Variants in GDAP2 observed in about 807,000 individuals in gnomAD.
GDAP2 encodes the protein ganglioside-induced differentiation-associated protein 2.
GDAP2 carries 51 observed loss-of-function variants against 67.0 expected under a neutral mutation model. That is an observed-to-expected ratio of 0.76 (90% CI 0.61 to 0.96). The LOEUF (loss-of-function observed/expected upper bound fraction) is 0.96. Among genes scored for constraint, GDAP2 ranks in the 40% least tolerant of loss-of-function variants. The pLI, the probability that GDAP2 is intolerant of heterozygous loss-of-function variation, is 0.00. For missense variants in GDAP2, 547 were observed against 588.3 expected, an observed-to-expected ratio of 0.93 and a Z score of 0.73; for synonymous variants, 203 against 207.3, an observed-to-expected ratio of 0.98 and a Z score of 0.18.
At chr1:117,906,195 C>T (rs1649651351) in intron 6 of GDAP2, among the ~76,000 whole-genome samples, 1 of 152,200 alleles carries the variant, frequency 6.6e-6, no homozygotes, top group Non-Finnish European at 1.5e-5. Context: ...TTATGCTCCC[C>T]AAACACGCAG....
chr1:117,865,016 G>A lies in GDAP2; in HGVS notation c.*5553C>T, dbSNP rs1648012840. On this transcript the variant is annotated 3_prime_UTR_variant, in exon 14 of 14. Transcript: ENST00000369443. ...CTATGGTCTGGGGACCAGGAGAATT[G>A]ATAACACCTAAGAGCTTGTTAGAAA... is the stretch of plus-strand genomic sequence containing the variant. The A allele has an allele frequency of 6.6e-6, 1 of 152,180 alleles. No individual in the cohort carries two copies. The highest frequency in any genetic ancestry group is 1.5e-5 in the Non-Finnish European group (1 of 68,036). The allele number at this position is 152,180 out of a possible 1,614,324, so 9.4% of individuals were successfully genotyped here.
At chr1:117,904,143 C>T (rs1649578491) in intron 6 of GDAP2, among the ~76,000 whole-genome samples, 1 of 151,914 alleles carries the variant, frequency 6.6e-6, no homozygotes, top group South Asian at 2.1e-4. Context: ...CCCATCACCA[C>T]ATTCAGCTAA....
intron 5 of GDAP2, among the ~76,000 whole-genome samples, chr1:117,910,302 T>TA (rs1649808736): frequency 6.6e-6 from 1 of 152,150 alleles, no homozygotes; most frequent in Admixed American, 6.5e-5. Context: ...ACAGGGTTGT[T>TA]AAGTAAAGTA....
intron 7 of GDAP2, 125 bp downstream of exon 7, chr1:117,898,932 T>C: frequency 1.4e-6 from 1 of 701,870 alleles, no homozygotes; most frequent in East Asian, 2.5e-5. Context: ...TAAACTGGTC[T>C]TGATAGTAGT....
rs1648866904 is a variant in GDAP2, at chr1:117,886,633, T to C, written c.1051A>G (p.Thr351Ala). 6.3e-7 allele frequency: 1 copy of C among 1,584,768 alleles called. No individual in the cohort carries two copies. Among genetic ancestry groups the C allele is most frequent in the Non-Finnish European group, 8.7e-7 (1 of 1,153,554 alleles). Residue 351 changes from threonine to alanine, a missense_variant, in exon 10 of 14, where the codon ACA (threonine) becomes GCA (alanine). Coordinates refer to ENST00000369443, the MANE Select transcript of GDAP2 (RefSeq NM_017686.4). ...YQTGVDNCGR[T>A]VMVVVGRNIP... ...TTTCTTCCAACTACCACCATCACTGTTCGACCACAGTTATCAACACCTATA... is the reference window on the plus strand; with the variant it reads ...TTTCTTCCAACTACCACCATCACTGCTCGACCACAGTTATCAACACCTATA...
chr1:117,872,255 G>A (rs923761316), intron 13 of GDAP2, among the ~76,000 whole-genome samples: 1 of 152,142 alleles, frequency 6.6e-6, no homozygotes, highest in Non-Finnish European at 1.5e-5. Context: ...ATGTAAATTA[G>A]TTCAACCACT....
In GDAP2 at chr1:117,867,003, T is replaced by C. The variant is rs535597184; in HGVS notation, c.*3566A>G. 2 of 152,156 alleles carry C rather than the reference T, an allele frequency of 1.3e-5. No individual in the cohort carries two copies. Among genetic ancestry groups the C allele is most frequent in the African/African-American group, 4.8e-5 (2 of 41,434 alleles). 9.4% of individuals were successfully genotyped at this position (152,156 alleles called of 1,614,324 possible). A position where few individuals can be genotyped will look rare whatever the true frequency, so the allele number is the denominator to read the frequency against. On this transcript the variant is annotated 3_prime_UTR_variant, in exon 14 of 14. Coordinates refer to ENST00000369443, the MANE Select transcript of GDAP2 (RefSeq NM_017686.4). ...TAGAACCATGTAACTCTCCTCTATA[T>C]AGTACTTCAAATTCTAATCATTTCT...
At position 117,883,504 on chromosome 1, in the gene GDAP2, C is replaced by T. The variant is rs754920481; in HGVS notation, c.1231G>A (p.Asp411Asn). Residue 411 changes from aspartate to asparagine, a missense_variant, in exon 11 of 14, where the codon GAT (aspartate) becomes AAT (asparagine). Physicochemically the swap from Asp to Asn is conservative, Grantham distance 23. Coordinates refer to ENST00000369443, the MANE Select transcript of GDAP2 (RefSeq NM_017686.4). ...LDSDFLKKLY[D>N]VVDVKYKRNL... ...ATAACTAACTTGACATCAACAACAT[C>T]GTAGAGTTTCTTCAGGAAGTCGGAG... The T allele has an allele frequency of 8.7e-6, 14 of 1,612,206 alleles. No individual in the cohort carries two copies. Among genetic ancestry groups the T allele is most frequent in the African/African-American group, 2.7e-5 (2 of 74,830 alleles).
chr1:117,899,742 G>T (rs1649384736), intron 6 of GDAP2, among the ~76,000 whole-genome samples: 1 of 151,788 alleles, frequency 6.6e-6, no homozygotes. Context: ...CATATCGATT[G>T]GTCCACTGGA....
intron 6 of GDAP2, among the ~76,000 whole-genome samples, chr1:117,904,711 T>G (rs1269316281): frequency 6.6e-6 from 1 of 152,212 alleles, no homozygotes; most frequent in African/African-American, 2.4e-5. Context: ...TTTGTTTACC[T>G]GGCTGTCTCA....
At chr1:117,921,568 G>C (rs1650255814) in intron 1 of GDAP2, among the ~76,000 whole-genome samples, 1 of 152,160 alleles carries the variant, frequency 6.6e-6, no homozygotes, top group Admixed American at 6.5e-5. Flanking sequence ...GGAGGAGCAA[G>C]GAGGCCAGTT....
At chr1:117,886,058 T>C (rs968134008) in intron 10 of GDAP2, among the ~76,000 whole-genome samples, 1 of 152,200 alleles carries the variant, frequency 6.6e-6, no homozygotes, top group Admixed American at 6.5e-5. Flanking sequence ...CTCATTTTAA[T>C]TCACCTTTTT....
chr1:117,912,958 T>A (rs1359104742), intron 3 of GDAP2, among the ~76,000 whole-genome samples: 1 of 152,190 alleles, frequency 6.6e-6, no homozygotes, highest in East Asian at 1.9e-4. Context: ...GTCAACTGAC[T>A]AGTAACTGAC....
chr1:117,907,472 A>G (rs1649695340), intron 5 of GDAP2, among the ~76,000 whole-genome samples: 1 of 152,152 alleles, frequency 6.6e-6, no homozygotes, highest in African/African-American at 2.4e-5. Context: ...ATTTGACCCC[A>G]ACAGGTCCAA....
At chr1:117,925,680 A>G (rs1281777973) in intron 1 of GDAP2, among the ~76,000 whole-genome samples, 1 of 152,184 alleles carries the variant, frequency 6.6e-6, no homozygotes, top group East Asian at 1.9e-4. Flanking sequence ...CTGTTATCAT[A>G]GGGTCTGAGT....
intron 5 of GDAP2, among the ~76,000 whole-genome samples, chr1:117,908,828 AAAATAAATAAATAAAT>A (rs33997305): frequency 6.8e-6 from 1 of 148,070 alleles, no homozygotes; most frequent in African/African-American, 2.6e-5. Flanking sequence ...CTATCTCAAA[AAAATAAATAAATAAAT>A]AAATAAATAA....
chr1:117,916,445 T>A (rs1650047751), intron 3 of GDAP2, among the ~76,000 whole-genome samples: 1 of 152,088 alleles, frequency 6.6e-6, no homozygotes, highest in African/African-American at 2.4e-5. Context: ...AGTTTAGAAT[T>A]TAAGTTTAAT....
intron 8 of GDAP2, among the ~76,000 whole-genome samples, chr1:117,892,635 T>A (rs1207751544): frequency 6.6e-6 from 1 of 152,120 alleles, no homozygotes; most frequent in East Asian, 1.9e-4. Flanking sequence ...GCCACTACAG[T>A]GCTCTAAATG....
At chr1:117,909,083 C>T (rs1337484294) in intron 5 of GDAP2, among the ~76,000 whole-genome samples, 1 of 152,206 alleles carries the variant, frequency 6.6e-6, no homozygotes, top group Non-Finnish European at 1.5e-5. Context: ...CCAGGCCACG[C>T]TCTTCCTTTC....
Sources: gnomAD v4.1 joint callset for allele counts (sites outside exome capture counted in the v4.1 genomes callset) on GRCh38, gnomAD v4.1.1 for gene constraint, MANE v1.5 for transcripts, NCBI Gene and HGNC (gene_info 2026-07-23, HGNC 2026-07-21) for gene names.